Variants in KCNJ6 observed in about 807,000 individuals in gnomAD.
The protein encoded by KCNJ6 is potassium inwardly rectifying channel subfamily J member 6.
KCNJ6 carries 9 observed loss-of-function variants against 34.2 expected under a neutral mutation model. The ratio of observed to expected loss-of-function variants is 0.26; its 90% CI spans 0.16 to 0.46. KCNJ6 has a LOEUF of 0.46. KCNJ6 is among the 20% of genes least tolerant of loss of function. The pLI is 1.00. For missense variants in KCNJ6, 236 were observed against 531.3 expected (o/e 0.44, Z 5.46); for synonymous variants, 196 against 207.1 (o/e 0.95, Z 0.46).
At chr21:37,703,287 C>T (rs1349051394) in intron 3 of KCNJ6, among the ~76,000 whole-genome samples, 1 of 151,980 alleles carries the variant, frequency 6.6e-6, no homozygotes, top group Admixed American at 6.6e-5. Flanking sequence ...CTTGATGGAA[C>T]AGGGCTCCAC....
chr21:37,834,704 T>C (rs2055443379), intron 2 of KCNJ6, among the ~76,000 whole-genome samples: 1 of 152,268 alleles, frequency 6.6e-6, no homozygotes, highest in Admixed American at 6.5e-5. Flanking sequence ...CTTCATTTCA[T>C]CTGACACAAC....
chr21:37,706,144 T>C (rs774858173), intron 3 of KCNJ6, among the ~76,000 whole-genome samples: 1 of 152,196 alleles, frequency 6.6e-6, no homozygotes, highest in East Asian at 1.9e-4. Context: ...AATGTTTCTA[T>C]TGATGGGACT....
At chr21:37,783,199 G>A (rs747729194) in intron 2 of KCNJ6, among the ~76,000 whole-genome samples, 3 of 152,286 alleles carry the variant, frequency 2.0e-5, no homozygotes, top group Middle Eastern at 3.4e-3. Context: ...CTTGATGCAC[G>A]CTGAGGGAGA....
chr21:37,836,878 T>TA (rs902863389), intron 2 of KCNJ6, among the ~76,000 whole-genome samples: 3 of 152,082 alleles, frequency 2.0e-5, no homozygotes, highest in Admixed American at 6.5e-5. Flanking sequence ...TCCCAGAACT[T>TA]AAAGTATTAT....
At chr21:37,652,347 A>G (rs2054437550) in intron 3 of KCNJ6, among the ~76,000 whole-genome samples, 1 of 152,262 alleles carries the variant, frequency 6.6e-6, no homozygotes, top group Admixed American at 6.5e-5. Flanking sequence ...CAGTGGGGTC[A>G]GAAACCTGTG....
At chr21:37,697,419 G>A (rs985344557) in intron 3 of KCNJ6, among the ~76,000 whole-genome samples, 6 of 152,278 alleles carry the variant, frequency 3.9e-5, no homozygotes, top group Non-Finnish European at 5.9e-5. Flanking sequence ...AAAGCAAGCC[G>A]GGAAGAACCT....
chr21:37,708,859 G>A (rs1261359395), intron 3 of KCNJ6, among the ~76,000 whole-genome samples: 1 of 152,214 alleles, frequency 6.6e-6, no homozygotes, highest in Admixed American at 6.5e-5. Context: ...AGAGCATGGT[G>A]ATGCTTACCC....
intron 3 of KCNJ6, among the ~76,000 whole-genome samples, chr21:37,646,773 G>A (rs886248129): frequency 3.3e-5 from 5 of 151,778 alleles, no homozygotes; most frequent in African/African-American, 1.2e-4. Context: ...CGGGTTCACG[G>A]CATTCTCCTG....
intron 2 of KCNJ6, among the ~76,000 whole-genome samples, chr21:37,736,012 A>G (rs1423269969): frequency 1.3e-5 from 2 of 152,170 alleles, no homozygotes; most frequent in Non-Finnish European, 2.9e-5. Flanking sequence ...CTTTTTCGGT[A>G]GCACAGACTT....
chr21:37,689,000 T>G (rs1216563304), intron 3 of KCNJ6, among the ~76,000 whole-genome samples: 6 of 152,230 alleles, frequency 3.9e-5, no homozygotes, highest in Non-Finnish European at 7.3e-5. Context: ...AAGGTGCATA[T>G]ATCATTGGTG....
At chr21:37,648,845 G>A (rs1457125200) in intron 3 of KCNJ6, among the ~76,000 whole-genome samples, 2 of 152,028 alleles carry the variant, frequency 1.3e-5, no homozygotes, top group African/African-American at 2.4e-5. Context: ...CAGAAAGGGA[G>A]TTTAGGCCAG....
At chr21:37,783,257 G>A (rs546998939) in intron 2 of KCNJ6, among the ~76,000 whole-genome samples, 3 of 152,282 alleles carry the variant, frequency 2.0e-5, no homozygotes, top group African/African-American at 7.2e-5. Context: ...AAATATCTGT[G>A]TGGTTTGGCT....
intron 2 of KCNJ6, among the ~76,000 whole-genome samples, chr21:37,766,767 C>T (rs180688665): frequency 1.3e-5 from 2 of 152,238 alleles, no homozygotes; most frequent in Non-Finnish European, 1.5e-5. Context: ...AGGAACTGGG[C>T]CACACAGCAG....
At chr21:37,634,395 A>G (rs1230548395) in intron 3 of KCNJ6, among the ~76,000 whole-genome samples, 2 of 152,184 alleles carry the variant, frequency 1.3e-5, no homozygotes, top group African/African-American at 4.8e-5. Context: ...AGCCCTCACC[A>G]GAGGCCGGGG....
intron 3 of KCNJ6, among the ~76,000 whole-genome samples, chr21:37,654,517 G>T (rs1046307210): frequency 6.6e-6 from 1 of 152,032 alleles, no homozygotes; most frequent in African/African-American, 2.4e-5. Flanking sequence ...AGGAGAAACA[G>T]CACCAGTCAG....
chr21:37,772,257 G>A (rs1365170985), intron 2 of KCNJ6, among the ~76,000 whole-genome samples: 3 of 152,094 alleles, frequency 2.0e-5, no homozygotes, highest in Admixed American at 1.3e-4. Context: ...AACAGAGCAC[G>A]CCGAGACAAT....
intron 3 of KCNJ6, among the ~76,000 whole-genome samples, chr21:37,655,178 TTTGTGTGTGTGTGTG>T (rs1185809124): frequency 5.4e-4 from 42 of 78,138 alleles, no homozygotes; most frequent in African/African-American, 1.7e-3. Flanking sequence ...ACTCTAGACA[TTTGTGTGTGTGTGTG>T]TGTGTGTGTG....
chr21:37,785,491 G>A (rs1231434081), intron 2 of KCNJ6, among the ~76,000 whole-genome samples: 1 of 152,198 alleles, frequency 6.6e-6, no homozygotes, highest in African/African-American at 2.4e-5. Context: ...TATTCTCAGT[G>A]TGTTGGGTTT....
At chr21:37,743,743 G>T (rs139134231) in intron 2 of KCNJ6, among the ~76,000 whole-genome samples, 110 of 151,596 alleles carry the variant, frequency 7.3e-4, no homozygotes, top group African/African-American at 2.6e-3. Context: ...CCCAATATGC[G>T]GTATTCTGTT....
Sources: allele counts gnomAD v4.1 joint callset (sites outside exome capture counted in the v4.1 genomes callset), GRCh38; gene constraint gnomAD v4.1.1; transcripts MANE v1.5; gene names NCBI Gene and HGNC (gene_info 2026-07-23, HGNC 2026-07-21).